Variants in CCDC88C observed in about 807,000 individuals in gnomAD.
CCDC88C encodes coiled-coil and HOOK domain protein 88C, also known as protein Daple.
Under a neutral mutation model 198.8 loss-of-function variants are expected in CCDC88C, and 131 were observed. The observed-to-expected ratio is 0.66, with a 90% CI of 0.57 to 0.76. The LOEUF (loss-of-function observed/expected upper bound fraction) is 0.76, where lower values mean the gene tolerates loss of function less well. Among genes scored for constraint, CCDC88C ranks in the 30% least tolerant of loss-of-function variants. CCDC88C has a pLI of 0.00. For synonymous variants in CCDC88C, 1,166 were observed against 1,114.7 expected (o/e 1.05, Z -0.92); for missense variants, 2,553 against 2,631.6 (o/e 0.97, Z 0.65).
In CCDC88C at chr14:91,407,089, C is replaced by T. The variant is rs545905348; in HGVS notation, c.270+1570G>A. On this transcript the variant is annotated intron_variant, in intron 3 of 29. Coordinates refer to ENST00000389857, the MANE Select transcript of CCDC88C (RefSeq NM_001080414.4). ...ACACAGGCAAACTACGCCAGCCCCCCCCACCCAACAGGAGGAGGACGGAAA... is the reference window on the plus strand; with the variant it reads ...ACACAGGCAAACTACGCCAGCCCCCTCCACCCAACAGGAGGAGGACGGAAA... Among the ~76,000 whole-genome samples, 3 of 152,304 alleles carry T rather than the reference C, an allele frequency of 2.0e-5. No individual in the cohort carries two copies. The East Asian group carries it at 5.8e-4, about 29-fold the overall frequency.
In CCDC88C at chr14:91,360,252, T is replaced by TCTCACA. The variant is rs1436609846; in HGVS notation, c.271-542_271-541insTGTGAG. On this transcript the variant is annotated intron_variant, in intron 3 of 29. Coordinates refer to ENST00000389857, the MANE Select transcript of CCDC88C (RefSeq NM_001080414.4). Reference sequence around the variant, plus strand: ...TGGGCAACATAGCAAGACCCCATCTTCACACACACACACACACACACACAC... The same window carrying TCTCACA: ...TGGGCAACATAGCAAGACCCCATCTTCTCACACACACACACACACACACACACACAC... Among the ~76,000 whole-genome samples, 28 of 144,310 alleles carry TCTCACA rather than the reference T, an allele frequency of 1.9e-4. 1 individual carries two copies. The highest frequency in any genetic ancestry group is 6.7e-4 in the African/African-American group (26 of 38,732). The allele number at this position is 144,310 out of a possible 152,430, so 94.7% of individuals were successfully genotyped here. A position where few individuals can be genotyped will look rare whatever the true frequency, so the allele number is the denominator to read the frequency against.
intron 3 of CCDC88C, among the ~76,000 whole-genome samples, chr14:91,373,591 G>C (rs1894930989): frequency 1.3e-5 from 2 of 152,152 alleles, no homozygotes; most frequent in African/African-American, 4.8e-5. Context: ...TGCAGCAAAA[G>C]ATCAGACTTC....
At chr14:91,396,383 A>G (rs1670465632) in intron 3 of CCDC88C, among the ~76,000 whole-genome samples, 1 of 152,162 alleles carries the variant, frequency 6.6e-6, no homozygotes, top group African/African-American at 2.4e-5. Context: ...TCACAAAAGG[A>G]ACTGGTTCCT....
At chr14:91,323,744 T>TA (rs1892453676) in intron 12 of CCDC88C, among the ~76,000 whole-genome samples, 1 of 152,250 alleles carries the variant, frequency 6.6e-6, no homozygotes, top group Non-Finnish European at 1.5e-5. Context: ...TAGCTGCTTG[T>TA]ACCACCTCTC....
intron 2 of CCDC88C, among the ~76,000 whole-genome samples, chr14:91,408,989 C>G (rs763697753): frequency 2.0e-5 from 3 of 152,156 alleles, no homozygotes; most frequent in Non-Finnish European, 4.4e-5. Context: ...CCTGGCCCAC[C>G]GCAGGCCCTC....
intron 3 of CCDC88C, among the ~76,000 whole-genome samples, chr14:91,395,123 C>G (rs951579664): frequency 1.3e-5 from 2 of 152,176 alleles, no homozygotes; most frequent in Non-Finnish European, 2.9e-5. Context: ...CTGAGGGGTA[C>G]GCTCAAAGGA....
intron 4 of CCDC88C, among the ~76,000 whole-genome samples, chr14:91,358,740 C>T (rs370117921): frequency 2.0e-5 from 3 of 152,158 alleles, no homozygotes; most frequent in African/African-American, 7.2e-5. Context: ...TGGGCTCAAG[C>T]GATCCTCCTG....
At chr14:91,306,039 C>T in intron 18 of CCDC88C, 113 bp from the exon 19 acceptor site, 13 of 1,028,786 alleles carry the variant, frequency 1.3e-5, no homozygotes, top group South Asian at 5.9e-5. Context: ...GGGGCCAAAT[C>T]GAGGGTCCGC....
intron 3 of CCDC88C, among the ~76,000 whole-genome samples, chr14:91,387,427 C>T (rs756807018): frequency 1.3e-5 from 2 of 152,188 alleles, no homozygotes; most frequent in South Asian, 4.1e-4. Flanking sequence ...AAGCTACCTC[C>T]GCAGCATGTG....
intron 13 of CCDC88C, among the ~76,000 whole-genome samples, chr14:91,316,384 A>C (rs993221956): frequency 6.6e-5 from 10 of 151,392 alleles, no homozygotes; most frequent in Admixed American, 6.6e-4. Context: ...TCCCCGTTGC[A>C]CACGAGTGCC....
At chr14:91,333,476 T>C (rs1892916610) in intron 10 of CCDC88C, among the ~76,000 whole-genome samples, 2 of 152,192 alleles carry the variant, frequency 1.3e-5, no homozygotes, top group South Asian at 4.1e-4. Flanking sequence ...GGATTTCGAA[T>C]TGGTAAATAT....
intron 10 of CCDC88C, among the ~76,000 whole-genome samples, chr14:91,329,515 C>T (rs1205148153): frequency 1.3e-5 from 2 of 152,194 alleles, no homozygotes; most frequent in Non-Finnish European, 1.5e-5. Context: ...TGCAGCACTT[C>T]CCACACCCCC....
At chr14:91,383,328 C>T (rs1567112508) in intron 3 of CCDC88C, among the ~76,000 whole-genome samples, 1 of 152,242 alleles carries the variant, frequency 6.6e-6, no homozygotes, top group Non-Finnish European at 1.5e-5. Flanking sequence ...GTGGGGGGCC[C>T]AGCCAGGAAT....
intron 26 of CCDC88C, 24 bp from the exon 27 acceptor site, chr14:91,281,549 A>G: frequency 6.2e-7 from 1 of 1,610,514 alleles, no homozygotes; most frequent in Non-Finnish European, 8.5e-7. Flanking sequence ...AAGGCTAGTG[A>G]GTCATGGTTA....
intron 3 of CCDC88C, among the ~76,000 whole-genome samples, chr14:91,384,004 G>T (rs1304077607): frequency 6.6e-6 from 1 of 152,178 alleles, no homozygotes; most frequent in Non-Finnish European, 1.5e-5. Context: ...CCACACCTGG[G>T]TACCACGGCA....
At position 91,339,481 on chromosome 14, in the gene CCDC88C, G is replaced by C. The variant is rs1043377302; in HGVS notation, c.625-19C>G. On this transcript the variant is annotated intron_variant, in intron 7 of 29. Transcript: ENST00000389857. The surrounding 1 kb of genome is among the most constrained non-coding windows in gnomAD (Gnocchi z 5.8). ...CGATCAGCTGCAGCCGGGCAGAGAG[G>C]GGGATGGAGGAGAACAAACGGGGTT... is the stretch of plus-strand genomic sequence containing the variant. 3.1e-6 allele frequency: 5 copies of C among 1,594,432 alleles called. No individual in the cohort carries two copies. The Middle Eastern group carries it at 5.0e-4, about 159-fold the overall frequency.
rs545236399 is a variant in CCDC88C at position 91,359,805 on chromosome 14, G to T, written c.271-94C>A. ...TTACAAGTAATGAAGCCCCCGGACGGGTGCACAGCCATCCCGTGGTGACTA... is the reference window on the plus strand; with the variant it reads ...TTACAAGTAATGAAGCCCCCGGACGTGTGCACAGCCATCCCGTGGTGACTA... On this transcript the variant is annotated intron_variant, in intron 3 of 29. Transcript: ENST00000389857. The T allele has an allele frequency of 8.3e-4, 929 of 1,113,400 alleles. 19 individuals carry two copies. In the South Asian group the frequency reaches 0.011, roughly 14 times the overall value. The allele number at this position is 1,113,400 out of a possible 1,614,324, so 69.0% of individuals were successfully genotyped here. A position where few individuals can be genotyped will look rare whatever the true frequency, so the allele number is the denominator to read the frequency against.
intron 10 of CCDC88C, among the ~76,000 whole-genome samples, chr14:91,331,417 G>A (rs1481648879): frequency 6.6e-6 from 1 of 152,206 alleles, no homozygotes; most frequent in African/African-American, 2.4e-5. Flanking sequence ...AGAGGAGCTG[G>A]GGCCCTGTCT....
intron 3 of CCDC88C, among the ~76,000 whole-genome samples, chr14:91,376,227 T>G (rs895539832): frequency 2.4e-4 from 37 of 152,116 alleles, no homozygotes; most frequent in Admixed American, 3.9e-4. Context: ...AACACCCAGG[T>G]GCTCGTCGCC....
Sources: allele counts gnomAD v4.1 joint callset (sites outside exome capture counted in the v4.1 genomes callset), GRCh38; gene constraint gnomAD v4.1.1; non-coding constraint Gnocchi (gnomAD v3.1); transcripts MANE v1.5; gene names NCBI Gene and HGNC (gene_info 2026-07-23, HGNC 2026-07-21).